The following NTNG1 variants were observed in gnomAD, a reference collection of about 807,000 sequenced individuals.
NTNG1 encodes the protein netrin G1.
Under a neutral mutation model 54.0 loss-of-function variants are expected in NTNG1, and 16 were observed. That is an observed-to-expected ratio of 0.30 (90% CI 0.20 to 0.45). The LOEUF is 0.45. Ranked by LOEUF, NTNG1 falls within the 20% of genes least tolerant of loss-of-function variation. NTNG1 has a pLI of 1.00. For synonymous variants in NTNG1, 255 were observed against 263.1 expected, an observed-to-expected ratio of 0.97 and a Z score of 0.30; for missense variants, 530 against 678.7, an observed-to-expected ratio of 0.78 and a Z score of 2.43.
Position 107,303,870 on chromosome 1 carries a change from A to G in NTNG1, c.247-20412A>G, listed in dbSNP as rs982990950. Among the ~76,000 whole-genome samples, 4 of 152,200 alleles carry G rather than the reference A, an allele frequency of 2.6e-5. No individual in the cohort carries two copies. In the South Asian group the frequency reaches 6.2e-4, roughly 24 times the overall value. On this transcript the variant is annotated intron_variant, in intron 2 of 7. Coordinates refer to ENST00000370068, the MANE Select transcript of NTNG1 (RefSeq NM_001113226.3). ...CCTGGCTAATTTTTTGTATGATAGTACAAACGGGGTTTCACCATGTTGGTC... is the reference window on the plus strand; with the variant it reads ...CCTGGCTAATTTTTTGTATGATAGTGCAAACGGGGTTTCACCATGTTGGTC...
intron 3 of NTNG1, among the ~76,000 whole-genome samples, chr1:107,346,884 T>TAAAAA (rs537482440): frequency 3.1e-5 from 3 of 97,128 alleles, no homozygotes; most frequent in Non-Finnish European, 2.0e-5. Flanking sequence ...TTTTCTATCC[T>TAAAAA]AAAAAAAAAA....
chr1:107,258,580 T>G (rs1042603967), intron 2 of NTNG1, among the ~76,000 whole-genome samples: 1 of 152,256 alleles, frequency 6.6e-6, no homozygotes, highest in Admixed American at 6.5e-5. Context: ...CCTCACAAGA[T>G]ACCTGTTTTA....
At chr1:107,152,676 C>T (rs1247585572) in intron 2 of NTNG1, among the ~76,000 whole-genome samples, 1 of 152,118 alleles carries the variant, frequency 6.6e-6, no homozygotes, top group Non-Finnish European at 1.5e-5. Context: ...CCAATCAAAA[C>T]TAAATTAGGA....
intron 4 of NTNG1, among the ~76,000 whole-genome samples, chr1:107,404,678 G>T (rs972444403): frequency 2.0e-5 from 3 of 152,068 alleles, no homozygotes; most frequent in African/African-American, 7.2e-5. Context: ...TGTGCCCTCA[G>T]ATCTGTCAGG....
At chr1:107,140,708 TG>T (rs1383104228), upstream of NTNG1, 2 of 145,590 alleles carry the variant, frequency 1.4e-5, no homozygotes, top group East Asian at 4.1e-4. Flanking sequence ...TAGAACCGCC[TG>T]GCCGCTGGTT....
At chr1:107,265,674 G>A (rs1663686298) in intron 2 of NTNG1, among the ~76,000 whole-genome samples, 1 of 152,162 alleles carries the variant, frequency 6.6e-6, no homozygotes, top group Non-Finnish European at 1.5e-5. Context: ...TAAATTTTCA[G>A]TATAAGAAAT....
intron 7 of NTNG1, among the ~76,000 whole-genome samples, chr1:107,457,221 C>G (rs1468632922): frequency 6.6e-6 from 1 of 152,172 alleles, no homozygotes; most frequent in Non-Finnish European, 1.5e-5. Context: ...CATCCAAATA[C>G]AAAGTAAACA....
chr1:107,452,838 A>C (rs917603253), intron 7 of NTNG1, among the ~76,000 whole-genome samples: 6 of 152,324 alleles, frequency 3.9e-5, no homozygotes, highest in African/African-American at 1.4e-4. Flanking sequence ...TAAATCACCC[A>C]GTCTCAGGTA....
At chr1:107,407,871 G>A (rs957404725) in intron 5 of NTNG1, 163 bp downstream of exon 5, 1 of 759,578 alleles carries the variant, frequency 1.3e-6, no homozygotes, top group Non-Finnish European at 2.4e-6. Flanking sequence ...CAGATCTGGT[G>A]AGAACACAGA....
At chr1:107,437,907 C>G (rs1570961563) in intron 7 of NTNG1, among the ~76,000 whole-genome samples, 1 of 152,052 alleles carries the variant, frequency 6.6e-6, no homozygotes, top group Non-Finnish European at 1.5e-5. Context: ...CAGCACAGCC[C>G]TAGAGTTATT....
intron 2 of NTNG1, among the ~76,000 whole-genome samples, chr1:107,234,586 G>A (rs138833282): frequency 1.4e-4 from 21 of 152,202 alleles, no homozygotes; most frequent in African/African-American, 4.1e-4. Context: ...TCTATTGTAT[G>A]GATAAGAAAA....
At chr1:107,390,240 C>T (rs61799246) in intron 3 of NTNG1, among the ~76,000 whole-genome samples, 4,338 of 152,290 alleles carry the variant, frequency 0.028, 85 homozygotes, top group Middle Eastern at 0.071. Flanking sequence ...AAAAGCTTCA[C>T]CAGATGTGAA....
intron 2 of NTNG1, among the ~76,000 whole-genome samples, chr1:107,186,850 C>G (rs1657496297): frequency 6.6e-6 from 1 of 152,136 alleles, no homozygotes; most frequent in Admixed American, 6.6e-5. Context: ...TGCCCCAGAA[C>G]TAGACATTCT....
chr1:107,426,289 T>C (rs550738508), intron 5 of NTNG1, among the ~76,000 whole-genome samples: 31 of 152,228 alleles, frequency 2.0e-4, no homozygotes, highest in African/African-American at 7.0e-4. Flanking sequence ...TCTTCCAGGA[T>C]TTCTATGGTT....
At chr1:107,312,958 A>G (rs1667114675) in intron 2 of NTNG1, among the ~76,000 whole-genome samples, 1 of 151,976 alleles carries the variant, frequency 6.6e-6, no homozygotes. Flanking sequence ...ATACTTTAAT[A>G]CCTCCTACAA....
intron 2 of NTNG1, among the ~76,000 whole-genome samples, chr1:107,154,197 A>G (rs1162739069): frequency 6.6e-6 from 1 of 152,148 alleles, no homozygotes; most frequent in Admixed American, 6.6e-5. Context: ...CTCAGAATTT[A>G]AAGGTGAAAT....
intron 5 of NTNG1, among the ~76,000 whole-genome samples, chr1:107,417,824 T>C (rs1395881312): frequency 6.6e-6 from 1 of 152,116 alleles, no homozygotes; most frequent in Non-Finnish European, 1.5e-5. Flanking sequence ...CTAGCCTGGC[T>C]CTTCTGCCTT....
intron 2 of NTNG1, among the ~76,000 whole-genome samples, chr1:107,246,553 G>T (rs909566885): frequency 6.6e-6 from 1 of 151,968 alleles, no homozygotes; most frequent in Non-Finnish European, 1.5e-5. Context: ...ATAATCGTGA[G>T]TGGCTGGGTT....
chr1:107,401,762 C>T (rs890650854), intron 4 of NTNG1, among the ~76,000 whole-genome samples: 24 of 150,504 alleles, frequency 1.6e-4, no homozygotes, highest in Non-Finnish European at 3.1e-4. Flanking sequence ...CAGTATAGAA[C>T]GGTGGCGATG....
Sources: gnomAD v4.1 joint callset for allele counts (sites outside exome capture counted in the v4.1 genomes callset) on GRCh38, gnomAD v4.1.1 for gene constraint, MANE v1.5 for transcripts, NCBI Gene and HGNC (gene_info 2026-07-23, HGNC 2026-07-21) for gene names.